UTRN: variants seen among roughly 807,000 people sequenced by gnomAD.
UTRN encodes dystrophin-related protein 1.
A neutral mutation model predicts 463.9 loss-of-function variants in UTRN; 283 were observed. That is an observed-to-expected ratio of 0.61 (90% CI 0.55 to 0.67). UTRN has a LOEUF of 0.67. Ranked by LOEUF, UTRN falls within the 30% of genes least tolerant of loss-of-function variation. The probability of loss-of-function intolerance (pLI) is 0.00; values close to 1 mark genes in which losing one functional copy is unlikely to be tolerated. For synonymous variants in UTRN, 1,442 were observed against 1,431.5 expected (o/e 1.01, Z -0.17); for missense variants, 3,922 against 4,084.3 (o/e 0.96, Z 1.08).
intron 33 of UTRN, among the ~76,000 whole-genome samples, chr6:144,495,157 A>G (rs1206045139): frequency 6.6e-6 from 1 of 152,178 alleles, no homozygotes; most frequent in Non-Finnish European, 1.5e-5. Flanking sequence ...TGCACTCCTC[A>G]GCCCTTGGGT....
At chr6:144,558,590 C>A (rs1454258117) in intron 50 of UTRN, among the ~76,000 whole-genome samples, 6 of 151,946 alleles carry the variant, frequency 3.9e-5, no homozygotes, top group Admixed American at 1.3e-4. Context: ...ATGTAACAAA[C>A]CTGCACGTTG....
intron 2 of UTRN, among the ~76,000 whole-genome samples, chr6:144,328,314 A>G (rs2114599767): frequency 6.6e-6 from 1 of 152,280 alleles, no homozygotes; most frequent in South Asian, 2.1e-4. Flanking sequence ...CTTATCTAGC[A>G]TCTTAACAAA....
At chr6:144,479,767 C>A in intron 25 of UTRN, 45 bp from the exon 26 acceptor site, 1 of 1,569,368 alleles carries the variant, frequency 6.4e-7, no homozygotes, top group South Asian at 1.2e-5. Flanking sequence ...TGACATTGAA[C>A]ACATTAACAT....
intron 60 of UTRN, 69 bp downstream of exon 60, chr6:144,774,433 A>G: frequency 7.2e-7 from 1 of 1,379,844 alleles, no homozygotes; most frequent in Non-Finnish European, 9.9e-7. Flanking sequence ...CAAGAGGAAG[A>G]TAAATGAAGA....
intron 58 of UTRN, 41 bp from the exon 59 acceptor site, chr6:144,771,866 G>A (rs11964759): frequency 6.5e-7 from 1 of 1,530,734 alleles, no homozygotes; most frequent in Admixed American, 2.2e-5. Flanking sequence ...GAAGTTTTTT[G>A]ATTTTTTGTT....
Position 144,485,443 on chromosome 6 carries a change from T to A in UTRN, c.3746T>A (p.Leu1249Ter), listed in dbSNP as rs1562471338. ...LHYLDLETTW[L>*]NTLEERMKST... ...TATTTGGATCTTGAAACTACCTGGT[T>A]AAACACTTTGGAAGAGCGGATGAAG... is the stretch of plus-strand genomic sequence containing the variant. The change falls in exon 28 of 75, where the codon TTA becomes TAA. Residue 1249 changes from leucine to a stop codon, truncating the protein, a stop_gained. Coordinates refer to ENST00000367545, the MANE Select transcript of UTRN (RefSeq NM_007124.3). LOFTEE classifies it high-confidence loss of function. 6.2e-7 allele frequency: 1 copy of A among 1,614,202 alleles called. No individual in the cohort carries two copies. Among genetic ancestry groups the A allele is most frequent in the Non-Finnish European group, 8.5e-7 (1 of 1,180,028 alleles).
chr6:144,441,397 A>T (rs1787145604), intron 13 of UTRN, among the ~76,000 whole-genome samples: 1 of 152,230 alleles, frequency 6.6e-6, no homozygotes, highest in African/African-American at 2.4e-5. Flanking sequence ...CAAGTATGGA[A>T]TACGGTGGGG....
At chr6:144,824,998 G>A (rs1038051537) in intron 66 of UTRN, among the ~76,000 whole-genome samples, 2 of 151,826 alleles carry the variant, frequency 1.3e-5, no homozygotes, top group Admixed American at 1.3e-4. Context: ...TACCAAGGCT[G>A]GCCTCAGACA....
rs1315312880 is a variant in UTRN, at chr6:144,564,090, C to G, written c.7289+6779C>G. Among the ~76,000 whole-genome samples, 4 of 152,234 alleles carry G rather than the reference C, an allele frequency of 2.6e-5. No homozygotes were observed. In the South Asian group the frequency reaches 8.3e-4, roughly 32 times the overall value. On this transcript the variant is annotated intron_variant, in intron 50 of 74. Coordinates refer to ENST00000367545, the MANE Select transcript of UTRN (RefSeq NM_007124.3). ...TATTTGCCAAGCTCTGTGACCAGCC[C>G]TAAAGATTCAACCATAAATACACCT...
intron 74 of UTRN, among the ~76,000 whole-genome samples, chr6:144,849,715 A>G (rs1782324919): frequency 6.6e-6 from 1 of 152,166 alleles, no homozygotes; most frequent in Non-Finnish European, 1.5e-5. Flanking sequence ...ATGATCTTAA[A>G]TTTTTAGAAT....
intron 2 of UTRN, chr6:144,344,090 CAA>C (rs34356247): frequency 0.045 from 37,157 of 820,138 alleles, no homozygotes; most frequent in South Asian, 0.071. Context: ...TAAAAGCCAC[CAA>C]AAAAAAAAAA....
At chr6:144,309,151 T>G (rs1396794194) in intron 2 of UTRN, among the ~76,000 whole-genome samples, 1 of 152,184 alleles carries the variant, frequency 6.6e-6, no homozygotes, top group African/African-American at 2.4e-5. Flanking sequence ...CACACGCTCC[T>G]GGTTTCCCAC....
intron 54 of UTRN, among the ~76,000 whole-genome samples, chr6:144,740,119 A>G (rs532515233): frequency 5.7e-4 from 87 of 152,348 alleles, no homozygotes; most frequent in African/African-American, 1.9e-3. Flanking sequence ...GCTTAGAGGC[A>G]TACTGTCTTC....
intron 51 of UTRN, among the ~76,000 whole-genome samples, chr6:144,670,521 G>A (rs1464064373): frequency 1.3e-5 from 2 of 152,024 alleles, no homozygotes; most frequent in African/African-American, 4.8e-5. Context: ...GTGGATTCTG[G>A]ATGTTAGTCC....
At chr6:144,758,529 T>G (rs1446469501) in intron 58 of UTRN, among the ~76,000 whole-genome samples, 1 of 152,182 alleles carries the variant, frequency 6.6e-6, no homozygotes, top group African/African-American at 2.4e-5. Flanking sequence ...AGAAGTTATC[T>G]GCATTATTAG....
rs149910364 is a variant in UTRN at position 144,580,811 on chromosome 6, AG to A, written c.7479+3524del. On this transcript the variant is annotated intron_variant, in intron 51 of 74. Coordinates refer to ENST00000367545, the MANE Select transcript of UTRN (RefSeq NM_007124.3). ...TGGGATTTTTGCTTTATAGGAATTT[AG>A]CTGATGGTATGAGGAATGGACTTGA... Among the ~76,000 whole-genome samples, 1,361 of 152,332 alleles carry A rather than the reference AG, an allele frequency of 8.9e-3. 7 individuals carry two copies. Among genetic ancestry groups the A allele is most frequent in the Middle Eastern group, 0.024 (7 of 294 alleles).
Position 144,491,017 on chromosome 6 carries a change from T to C in UTRN, c.4352T>C (p.Leu1451Pro), listed in dbSNP as rs1793012721. 1.2e-6 allele frequency: 2 copies of C among 1,614,100 alleles called. No individual in the cohort carries two copies. The highest frequency in any genetic ancestry group is 2.2e-5 in the South Asian group (2 of 91,062). ...EQRMLDCKRVLDGVKAELHVL... is the reference protein window; with the variant it reads ...EQRMLDCKRVPDGVKAELHVL... ...CGCATGCTGGACTGCAAGCGTGTGC[T>C]GGATGGCGTGAAAGCAGAACTTCAC... The change falls in exon 32 of 75, where the codon CTG (leucine) becomes CCG (proline). Residue 1451 changes from leucine to proline, a missense_variant. Coordinates refer to ENST00000367545, the MANE Select transcript of UTRN (RefSeq NM_007124.3).
intron 14 of UTRN, 37 bp from the exon 15 acceptor site, chr6:144,447,174 T>A (rs759906597): frequency 1.6e-5 from 25 of 1,571,820 alleles, no homozygotes; most frequent in Non-Finnish European, 2.2e-5. Context: ...ACCAAATGAT[T>A]TTGCAGATAA....
At chr6:144,538,206 G>A (rs1797698587) in intron 44 of UTRN, among the ~76,000 whole-genome samples, 1 of 152,060 alleles carries the variant, frequency 6.6e-6, no homozygotes, top group Admixed American at 6.5e-5. Context: ...AACAAGTATT[G>A]TTTATAGTTG....
Sources: gnomAD v4.1 joint callset for allele counts (sites outside exome capture counted in the v4.1 genomes callset) on GRCh38, gnomAD v4.1.1 for gene constraint, MANE v1.5 for transcripts, NCBI Gene and HGNC (gene_info 2026-07-23, HGNC 2026-07-21) for gene names.